Variants in GRM1 observed in about 807,000 individuals in gnomAD.
GRM1 encodes metabotropic glutamate receptor 1.
GRM1 carries 33 observed loss-of-function variants against 90.9 expected under a neutral mutation model. The ratio of observed to expected loss-of-function variants is 0.36; its 90% CI spans 0.28 to 0.49. GRM1 has a LOEUF of 0.49. Among genes scored for constraint, GRM1 ranks in the 20% least tolerant of loss-of-function variants. The pLI is 0.99. For synonymous variants in GRM1, 700 were observed against 613.2 expected (o/e 1.14, Z -2.09); for missense variants, 1,190 against 1,534.3 (o/e 0.78, Z 3.75).
intron 2 of GRM1, among the ~76,000 whole-genome samples, chr6:146,267,977 G>A (rs1455298091): frequency 1.3e-5 from 2 of 152,132 alleles, no homozygotes; most frequent in South Asian, 2.1e-4. Context: ...TGGGTTGAAT[G>A]ATATTTCTGC....
At chr6:146,318,338 CT>C (rs1168919841) in intron 3 of GRM1, among the ~76,000 whole-genome samples, 3 of 152,102 alleles carry the variant, frequency 2.0e-5, no homozygotes, top group African/African-American at 7.2e-5. Context: ...ACTCGTCATC[CT>C]TTTTTATGGC....
chr6:146,357,793 T>C lies in GRM1; in HGVS notation c.1602+99T>C, dbSNP rs362893. The C allele has an allele frequency of 0.23, 225,204 of 963,134 alleles. 27,571 individuals carry two copies. Among genetic ancestry groups the C allele is most frequent in the Middle Eastern group, 0.27 (1,243 of 4,534 alleles). The allele number at this position is 963,134 out of a possible 1,614,324, so 59.7% of individuals were successfully genotyped here. On this transcript the variant is annotated intron_variant, in intron 5 of 7. Transcript: ENST00000282753. ...AGACAATTTTAAAAACATAACTGTC[T>C]AGAAAGGGTGTGCCAGGCTTACAGT...
At chr6:146,185,179 A>G (rs1174901981) in intron 2 of GRM1, among the ~76,000 whole-genome samples, 1 of 152,252 alleles carries the variant, frequency 6.6e-6, no homozygotes, top group Non-Finnish European at 1.5e-5. Context: ...AGGTCTGAAT[A>G]TAACCCTTTT....
At chr6:146,403,659 ATTATGTCCTGGGTAAGCAT>A (rs1409618103) in intron 7 of GRM1, among the ~76,000 whole-genome samples, 2 of 152,096 alleles carry the variant, frequency 1.3e-5, no homozygotes, top group African/African-American at 2.4e-5. Context: ...AGCATTAGTC[ATTATGTCCTGGGTAAGCAT>A]TTTGGTTTTC....
intron 3 of GRM1, among the ~76,000 whole-genome samples, chr6:146,317,179 CTT>C (rs1784005569): frequency 6.6e-6 from 1 of 152,140 alleles, no homozygotes; most frequent in African/African-American, 2.4e-5. Context: ...GAATATGAGT[CTT>C]GATATGGTTC....
chr6:146,044,223 C>T (rs1423694019), intron 1 of GRM1, among the ~76,000 whole-genome samples: 1 of 151,850 alleles, frequency 6.6e-6, no homozygotes, highest in Non-Finnish European at 1.5e-5. Context: ...TTATAACAGT[C>T]TCCCTTCCTG....
intron 2 of GRM1, among the ~76,000 whole-genome samples, chr6:146,260,154 C>T (rs890447751): frequency 5.3e-5 from 8 of 151,878 alleles, no homozygotes; most frequent in Non-Finnish European, 1.0e-4. Context: ...TGCTATCCCT[C>T]CCCTAGGCCC....
chr6:146,059,545 T>C lies in GRM1; in HGVS notation c.700+29328T>C, dbSNP rs185616499. On this transcript the variant is annotated intron_variant, in intron 1 of 7. Coordinates refer to ENST00000282753, the MANE Select transcript of GRM1 (RefSeq NM_001278064.2). ...ATGATAAATGAACATTGGTTTCAAC[T>C]TAAAGTCAACAGTTGCATTAGCCCC... 2.6e-5 allele frequency among the ~76,000 whole-genome samples: 4 copies of C among 152,272 alleles called. No homozygotes were observed. In the East Asian group the frequency reaches 7.7e-4, roughly 29 times the overall value.
chr6:146,428,443 A>G (rs1021627453), intron 7 of GRM1, among the ~76,000 whole-genome samples: 1 of 152,218 alleles, frequency 6.6e-6, no homozygotes, highest in African/African-American at 2.4e-5. Context: ...AGTTGCAGGA[A>G]ATATGGCAGT....
intron 7 of GRM1, among the ~76,000 whole-genome samples, chr6:146,402,536 T>C (rs1395712481): frequency 6.6e-6 from 1 of 152,170 alleles, no homozygotes; most frequent in African/African-American, 2.4e-5. Context: ...GCAAAGGGGC[T>C]AAAAACTCTA....
At position 146,250,427 on chromosome 6, in the gene GRM1, C is replaced by T. The variant is rs144956403; in HGVS notation, c.951-54184C>T. ...GTTTTCATGATAGTGAGTGAGTTCT[C>T]ATAAGATCTGGTTGTTTGATAAATG... On this transcript the variant is annotated intron_variant, in intron 2 of 7. Transcript: ENST00000282753. Among the ~76,000 whole-genome samples, 395 of 152,248 alleles carry T rather than the reference C, an allele frequency of 2.6e-3. 5 individuals are homozygous for T. The highest frequency in any genetic ancestry group is 4.2e-3 in the Non-Finnish European group (283 of 68,034).
At chr6:146,152,170 A>G (rs747119477) in intron 1 of GRM1, among the ~76,000 whole-genome samples, 10 of 152,094 alleles carry the variant, frequency 6.6e-5, no homozygotes, top group Non-Finnish European at 1.2e-4. Flanking sequence ...AGGCCTCACT[A>G]AAGATCTTGA....
At chr6:146,280,958 C>T (rs1782544994) in intron 2 of GRM1, among the ~76,000 whole-genome samples, 1 of 151,976 alleles carries the variant, frequency 6.6e-6, no homozygotes, top group African/African-American at 2.4e-5. Context: ...TTTTTTAATA[C>T]CAACCTCACC....
At chr6:146,075,977 A>G (rs535590658) in intron 1 of GRM1, among the ~76,000 whole-genome samples, 1 of 152,318 alleles carries the variant, frequency 6.6e-6, no homozygotes, top group East Asian at 1.9e-4. Flanking sequence ...ATTCATAAGT[A>G]CTGGGAATTA....
At chr6:146,062,753 T>C (rs1303955467) in intron 1 of GRM1, among the ~76,000 whole-genome samples, 2 of 152,140 alleles carry the variant, frequency 1.3e-5, no homozygotes, top group Non-Finnish European at 1.5e-5. Flanking sequence ...GTGTGATTTG[T>C]TTTTGGTCGA....
At chr6:146,296,478 T>C (rs987763774) in intron 2 of GRM1, among the ~76,000 whole-genome samples, 2 of 152,186 alleles carry the variant, frequency 1.3e-5, no homozygotes, top group African/African-American at 4.8e-5. Context: ...ACGTTATTAT[T>C]AACTATAGTC....
At chr6:146,199,131 T>G (rs1432443976) in intron 2 of GRM1, among the ~76,000 whole-genome samples, 1 of 152,200 alleles carries the variant, frequency 6.6e-6, no homozygotes, top group Non-Finnish European at 1.5e-5. Context: ...GTGATACTAG[T>G]GTCCCTCTCA....
chr6:146,199,037 T>C (rs1038298426), intron 2 of GRM1, among the ~76,000 whole-genome samples: 2 of 152,180 alleles, frequency 1.3e-5, no homozygotes, highest in African/African-American at 4.8e-5. Flanking sequence ...GGCCCTATTA[T>C]CCTCATGGAT....
intron 5 of GRM1, among the ~76,000 whole-genome samples, chr6:146,364,406 T>C (rs1775601413): frequency 6.6e-6 from 1 of 152,206 alleles, no homozygotes; most frequent in East Asian, 1.9e-4. Context: ...CAATCATCAC[T>C]ATCTGATTAC....
Sources: allele counts gnomAD v4.1 joint callset (sites outside exome capture counted in the v4.1 genomes callset), GRCh38; gene constraint gnomAD v4.1.1; transcripts MANE v1.5; gene names NCBI Gene and HGNC (gene_info 2026-07-23, HGNC 2026-07-21).